Variants in KIF6 observed in about 807,000 individuals in gnomAD.
KIF6 encodes the protein kinesin-like protein KIF6.
A neutral mutation model predicts 112.7 loss-of-function variants in KIF6; 106 were observed. The observed-to-expected ratio is 0.94, with a 90% confidence interval of 0.80 to 1.11. KIF6 has a LOEUF of 1.11. KIF6 is among the 50% of genes least tolerant of loss of function. The pLI, the probability that KIF6 is intolerant of heterozygous loss-of-function variation, is 0.00. For synonymous variants in KIF6, 339 were observed against 339.9 expected (o/e 1.00, Z 0.03); for missense variants, 929 against 964.0 (o/e 0.96, Z 0.48).
chr6:39,337,799 A>G (rs1213758305), intron 22 of KIF6, among the ~76,000 whole-genome samples: 4 of 152,218 alleles, frequency 2.6e-5, no homozygotes, highest in Admixed American at 2.6e-4. Context: ...TCTAGCCAGG[A>G]CAGTCCCCAA....
At chr6:39,537,032 C>T (rs1778472785) in intron 13 of KIF6, among the ~76,000 whole-genome samples, 1 of 152,224 alleles carries the variant, frequency 6.6e-6, no homozygotes, top group African/African-American at 2.4e-5. Context: ...ATGCTAAAAA[C>T]TCTCAATAAA....
chr6:39,440,359 C>A (rs1043565767), intron 13 of KIF6, among the ~76,000 whole-genome samples: 1 of 152,070 alleles, frequency 6.6e-6, no homozygotes, highest in Non-Finnish European at 1.5e-5. Context: ...ATGATGAATA[C>A]CTACAACGTG....
intron 13 of KIF6, among the ~76,000 whole-genome samples, chr6:39,431,911 G>T (rs1384144080): frequency 6.6e-6 from 1 of 152,028 alleles, no homozygotes; most frequent in Non-Finnish European, 1.5e-5. Context: ...GGACCCCTCA[G>T]TGAGAGCTGA....
chr6:39,375,367 T>A (rs1766360339), intron 16 of KIF6, among the ~76,000 whole-genome samples: 1 of 152,172 alleles, frequency 6.6e-6, no homozygotes, highest in South Asian at 2.1e-4. Context: ...ACAAAAAAAA[T>A]CATGGGTGAG....
chr6:39,414,771 G>T (rs1769778253), intron 15 of KIF6, among the ~76,000 whole-genome samples: 1 of 152,156 alleles, frequency 6.6e-6, no homozygotes, highest in Non-Finnish European at 1.5e-5. Context: ...AAACTCAGAA[G>T]ACAATGTCAA....
intron 3 of KIF6, chr6:39,691,973 A>C (rs891247145): frequency 6.6e-6 from 1 of 152,216 alleles, no homozygotes; most frequent in Non-Finnish European, 1.5e-5. Context: ...AAAACAAACC[A>C]AAAGGAACAA....
In KIF6 at chr6:39,380,960, C is replaced by T. The variant is rs534498772; in HGVS notation, c.1861+4662G>A. On this transcript the variant is annotated intron_variant, in intron 16 of 22. Coordinates refer to ENST00000287152, the MANE Select transcript of KIF6 (RefSeq NM_145027.6). ...TTTTAATAACATCTTTGTTTAAAAA[C>T]GGCTCCCCACATTCCTGGAGTACTA... Among the ~76,000 whole-genome samples, 43 of 152,284 alleles carry T rather than the reference C, an allele frequency of 2.8e-4. 1 individual carries two copies. The highest frequency in any genetic ancestry group is 6.8e-3 in the Middle Eastern group (2 of 294).
rs896687116 is a variant in KIF6, at chr6:39,378,316, A to G, written c.1861+7306T>C. On this transcript the variant is annotated intron_variant, in intron 16 of 22. Coordinates refer to ENST00000287152, the MANE Select transcript of KIF6 (RefSeq NM_145027.6). The surrounding 1 kb of genome is among the most constrained non-coding windows in gnomAD (Gnocchi z 5.0). ...ACACACACAAGCACAAAACACACATACAACACATACAACATATCCAACATA... is the reference window on the plus strand; with the variant it reads ...ACACACACAAGCACAAAACACACATGCAACACATACAACATATCCAACATA... Among the ~76,000 whole-genome samples the G allele has an allele frequency of 6.6e-6, 1 of 151,826 alleles. No individual in the cohort carries two copies. The highest frequency in any genetic ancestry group is 6.6e-5 in the Admixed American group (1 of 15,210).
intron 3 of KIF6, among the ~76,000 whole-genome samples, chr6:39,678,220 C>T (rs968092906): frequency 1.3e-5 from 2 of 151,752 alleles, no homozygotes; most frequent in East Asian, 3.9e-4. Flanking sequence ...TAAACTAGTT[C>T]AACCATTGTG....
chr6:39,664,808 A>G (rs1786370764), intron 3 of KIF6, among the ~76,000 whole-genome samples: 1 of 152,174 alleles, frequency 6.6e-6, no homozygotes, highest in African/African-American at 2.4e-5. Context: ...TAATACCGTA[A>G]TGCCAAATGT....
At chr6:39,346,085 T>C (rs1250929176) in intron 20 of KIF6, among the ~76,000 whole-genome samples, 67 of 21,544 alleles carry the variant, frequency 3.1e-3, no homozygotes, top group East Asian at 6.9e-3. Flanking sequence ...TCTCTCTCTC[T>C]CCCCCCCCTC....
At chr6:39,513,146 T>A (rs1776871342) in intron 13 of KIF6, among the ~76,000 whole-genome samples, 1 of 152,202 alleles carries the variant, frequency 6.6e-6, no homozygotes, top group Non-Finnish European at 1.5e-5. Flanking sequence ...CTTCTGCTAG[T>A]GTTCCCATCT....
chr6:39,722,069 A>G (rs1259779548), intron 1 of KIF6, among the ~76,000 whole-genome samples: 1 of 152,182 alleles, frequency 6.6e-6, no homozygotes, highest in Non-Finnish European at 1.5e-5. Context: ...TGTAGAAAGC[A>G]ATGGCATCAG....
intron 2 of KIF6, chr6:39,715,042 CT>C: frequency 3.6e-6 from 1 of 276,498 alleles, no homozygotes; most frequent in Admixed American, 5.0e-5. Context: ...AAATTGTGTG[CT>C]TTTTAGCTCT....
chr6:39,700,502 G>A (rs141429626), intron 3 of KIF6, among the ~76,000 whole-genome samples: 1 of 152,260 alleles, frequency 6.6e-6, no homozygotes, highest in African/African-American at 2.4e-5. Flanking sequence ...TATATACAAT[G>A]CATTTTAATG....
chr6:39,476,390 C>A (rs932515392), intron 13 of KIF6, among the ~76,000 whole-genome samples: 2 of 151,900 alleles, frequency 1.3e-5, no homozygotes, highest in Non-Finnish European at 2.9e-5. Flanking sequence ...CCACAAAGTT[C>A]ATAAAACTAA....
At chr6:39,351,747 G>T (rs1764260447) in intron 19 of KIF6, among the ~76,000 whole-genome samples, 1 of 152,194 alleles carries the variant, frequency 6.6e-6, no homozygotes, top group Non-Finnish European at 1.5e-5. Context: ...CAAGAGATCA[G>T]AAAAGAGGGT....
chr6:39,691,502 A>G (rs1302770841), intron 3 of KIF6: 4 of 152,296 alleles, frequency 2.6e-5, no homozygotes, highest in South Asian at 2.1e-4. Context: ...AAATGTTTCA[A>G]TATTTTTGGC....
intron 10 of KIF6, among the ~76,000 whole-genome samples, chr6:39,561,047 C>G (rs773460231): frequency 6.6e-6 from 1 of 152,222 alleles, no homozygotes; most frequent in East Asian, 1.9e-4. Context: ...CACTTATGGA[C>G]TATGCAGATA....
Sources: gnomAD v4.1 joint callset for allele counts (sites outside exome capture counted in the v4.1 genomes callset) on GRCh38, gnomAD v4.1.1 for gene constraint, Gnocchi (gnomAD v3.1) non-coding constraint, MANE v1.5 for transcripts, NCBI Gene and HGNC (gene_info 2026-07-23, HGNC 2026-07-21) for gene names.